MTCH1: variants seen among roughly 807,000 people sequenced by gnomAD.
MTCH1 encodes mitochondrial carrier homolog 1.
Under a neutral mutation model 49.3 loss-of-function variants are expected in MTCH1, and 23 were observed. The observed-to-expected ratio is 0.47, with a 90% confidence interval of 0.34 to 0.66. MTCH1 has a LOEUF of 0.66. Among genes scored for constraint, MTCH1 ranks in the 30% least tolerant of loss-of-function variants. The probability of loss-of-function intolerance (pLI) is 0.01; values close to 1 mark genes in which losing one functional copy is unlikely to be tolerated. For synonymous variants in MTCH1, 229 were observed against 215.2 expected, an observed-to-expected ratio of 1.06 and a Z score of -0.56; for missense variants, 397 against 532.1, an observed-to-expected ratio of 0.75 and a Z score of 2.50.
At chr6:36,975,783 G>T in intron 6 of MTCH1, 66 bp from the exon 7 acceptor site, 1 of 1,477,536 alleles carries the variant, frequency 6.8e-7, no homozygotes, top group Non-Finnish European at 9.4e-7. Context: ...ACCCGTTGGT[G>T]TGGGGCTGAG....
In MTCH1 at chr6:36,972,738, C is replaced by T; in HGVS notation, c.820G>A (p.Ala274Thr). Residue 274 changes from alanine to threonine, a missense_variant, in exon 8 of 12, where the codon GCC becomes ACC. By Grantham distance (58) the Ala-to-Thr change is moderately conservative. This residue lies in a region of MTCH1 where 252 missense variants were observed against 388.3 expected (regional missense o/e 0.65). Coordinates refer to ENST00000373627, the MANE Select transcript of MTCH1 (RefSeq NM_001271641.2). The surrounding 1 kb of genome is among the most constrained non-coding windows in gnomAD (Gnocchi z 4.1). ...ACCAGGTAGGCATTGATGAAGTGGG[C>T]CAGCAGGTTACAGCCCCACAAGAAA... ...VVFLWGCNLL[A>T]HFINAYLVDD... 1.3e-6 allele frequency: 2 copies of T among 1,553,556 alleles called. No homozygotes were observed. The highest frequency in any genetic ancestry group is 1.7e-6 in the Non-Finnish European group (2 of 1,147,866).
In MTCH1 at chr6:36,977,182, T is replaced by C. The variant is rs1410064404; in HGVS notation, c.701+17A>G. ...AAGGGTAACAGGGCCACTCTGCCAG[T>C]CCCAAGAGTTACCCACCTGTACTTG... On this transcript the variant is annotated intron_variant, in intron 6 of 11. Transcript: ENST00000373627. This position sits in a 1 kb window ranked among gnomAD's most constrained non-coding sequence, Gnocchi z 5.4. 2.5e-6 allele frequency: 4 copies of C among 1,613,546 alleles called. No individual in the cohort carries two copies. The Admixed American group carries it at 6.7e-5, about 27-fold the overall frequency.
Position 36,977,621 on chromosome 6 carries a change from G to C in MTCH1, c.649+13C>G, listed in dbSNP as rs774940960. 12 of 1,578,560 alleles carry C rather than the reference G, an allele frequency of 7.6e-6. No individual in the cohort carries two copies. In the African/African-American group the frequency reaches 9.4e-5, roughly 12 times the overall value. On this transcript the variant is annotated intron_variant, in intron 5 of 11. Transcript: ENST00000373627. The surrounding 1 kb of genome is among the most constrained non-coding windows in gnomAD (Gnocchi z 5.4). The stretch of plus-strand genomic sequence containing the variant: ...AGCTTAGATACAGTCTCGGGGGAAG[G>C]GGGGTGGCTTACCATGCAGGGGGTG...
intron 6 of MTCH1, 50 bp from the exon 7 acceptor site, chr6:36,975,767 AAGCCCACCCGTTGGTGTGGGGCTG>A (rs1763858713): frequency 1.9e-6 from 3 of 1,573,426 alleles, no homozygotes; most frequent in Non-Finnish European, 2.6e-6. Flanking sequence ...CACCTACCAG[AAGCCCACCCGTTGGTGTGGGGCTG>A]AGCCCACCAG....
At position 36,977,360 on chromosome 6, in the gene MTCH1, C is replaced by A. The variant is rs16889344; in HGVS notation, c.650-110G>T. On this transcript the variant is annotated intron_variant, in intron 5 of 11. Coordinates refer to ENST00000373627, the MANE Select transcript of MTCH1 (RefSeq NM_001271641.2). The surrounding 1 kb of genome is among the most constrained non-coding windows in gnomAD (Gnocchi z 5.4). ...TGGCCACTGAACAACGTGGCCTATT[C>A]AGAGAGCAGGAGAGGAAGAGGGCCT... is the stretch of plus-strand genomic sequence containing the variant. 3 of 1,171,786 alleles carry A rather than the reference C, an allele frequency of 2.6e-6. No homozygotes were observed. The highest frequency in any genetic ancestry group is 3.0e-5 in the African/African-American group (2 of 66,400). 72.6% of individuals were successfully genotyped at this position (1,171,786 alleles called of 1,614,324 possible).
In MTCH1 at chr6:36,977,978, A is replaced by G. The variant is rs77649624; in HGVS notation, c.591+100T>C. Reference sequence around the variant, plus strand: ...CCATCCCACCCATGCATACACAAGGACCCAACTCTTCGACTTGTCAATGAC... The same window carrying G: ...CCATCCCACCCATGCATACACAAGGGCCCAACTCTTCGACTTGTCAATGAC... On this transcript the variant is annotated intron_variant, in intron 4 of 11. Coordinates refer to ENST00000373627, the MANE Select transcript of MTCH1 (RefSeq NM_001271641.2). The surrounding 1 kb of genome is among the most constrained non-coding windows in gnomAD (Gnocchi z 5.4). 108,152 of 1,081,014 alleles carry G rather than the reference A, an allele frequency of 0.1. 6,883 individuals carry two copies. The highest frequency in any genetic ancestry group is 0.23 in the African/African-American group (14,598 of 64,414). 67.0% of individuals were successfully genotyped at this position (1,081,014 alleles called of 1,614,324 possible).
At chr6:36,981,194 C>A (rs1410625446) in intron 2 of MTCH1, among the ~76,000 whole-genome samples, 1 of 152,146 alleles carries the variant, frequency 6.6e-6, no homozygotes, top group Non-Finnish European at 1.5e-5. Flanking sequence ...AAGAGGACCC[C>A]CCGGGCCTCC....
chr6:36,968,368 C>A lies in MTCH1; in HGVS notation c.*535G>T. On this transcript the variant is annotated 3_prime_UTR_variant, in exon 12 of 12. Transcript: ENST00000373627. ...TTCCCATTCAGAGGCAGGTGCTGCC[C>A]TCATATCAGAAAAGTAGTGTTGAGA... The A allele has an allele frequency of 3.9e-6, 1 of 259,632 alleles. No homozygotes were observed. The highest frequency in any genetic ancestry group is 4.2e-5 in the South Asian group (1 of 23,552). 16.1% of individuals were successfully genotyped at this position (259,632 alleles called of 1,614,324 possible). A position where few individuals can be genotyped will look rare whatever the true frequency, so the allele number is the denominator to read the frequency against.
rs186614031 is a variant in MTCH1, at chr6:36,970,341, C to T, written c.1022+65G>A. On this transcript the variant is annotated intron_variant, in intron 10 of 11. Coordinates refer to ENST00000373627, the MANE Select transcript of MTCH1 (RefSeq NM_001271641.2). ...GAGGGGGCAGAGTGCTGGAAGGGCT[C>T]GGTGGGTCTCCCCCACCCCACAGCC... 91 of 1,584,534 alleles carry T rather than the reference C, an allele frequency of 5.7e-5. 1 individual carries two copies. The highest frequency in any genetic ancestry group is 3.8e-4 in the South Asian group (34 of 90,108).
rs1320277777 is a variant in MTCH1, at chr6:36,977,671, C to A, written c.612G>T (p.Met204Ile). ...VVKETSYEMM[M>I]QCVSRMLAHP... ...GGGCCAACATGCGGGACACACACTG[C>A]ATCATCATCTCGTAGGAGGTCTGGA... The change falls in exon 5 of 12, where the codon ATG becomes ATT. Residue 204 changes from methionine to isoleucine, a missense_variant. By Grantham distance (10) the Met-to-Ile change is conservative. This residue lies in a region of MTCH1 where 252 missense variants were observed against 388.3 expected (regional missense o/e 0.65). Transcript: ENST00000373627. This position sits in a 1 kb window ranked among gnomAD's most constrained non-coding sequence, Gnocchi z 5.4. 6.2e-7 allele frequency: 1 copy of A among 1,610,624 alleles called. No homozygotes were observed. Among genetic ancestry groups the A allele is most frequent in the South Asian group, 1.1e-5 (1 of 90,292 alleles).
In MTCH1 at chr6:36,972,846, C is replaced by A; in HGVS notation, c.762-50G>T. 1 of 1,501,504 alleles carries A rather than the reference C, an allele frequency of 6.7e-7. No homozygotes were observed. The highest frequency in any genetic ancestry group is 9.0e-7 in the Non-Finnish European group (1 of 1,108,798). 93.0% of individuals were successfully genotyped at this position (1,501,504 alleles called of 1,614,324 possible). On this transcript the variant is annotated intron_variant, in intron 7 of 11. Coordinates refer to ENST00000373627, the MANE Select transcript of MTCH1 (RefSeq NM_001271641.2). The surrounding 1 kb of genome is among the most constrained non-coding windows in gnomAD (Gnocchi z 4.1). ...GAGCAGGAGAGGGAGAGGAGCAGTTCCTGGGGGCTCCACACCCAGGAAGCA... is the reference window on the plus strand; with the variant it reads ...GAGCAGGAGAGGGAGAGGAGCAGTTACTGGGGGCTCCACACCCAGGAAGCA...
chr6:36,978,303 T>C (rs1473863495), intron 3 of MTCH1, 148 bp from the exon 4 acceptor site: 1 of 873,604 alleles, frequency 1.1e-6, no homozygotes, highest in Non-Finnish European at 1.8e-6. Context: ...GGTCTGGAGC[T>C]TGGGGGGAAA....
At chr6:36,969,098 G>A (rs570501084) in intron 11 of MTCH1, 124 bp from the exon 12 acceptor site, 18 of 1,455,942 alleles carry the variant, frequency 1.2e-5, no homozygotes, top group Admixed American at 2.6e-5. Context: ...CGGGGTGGAC[G>A]GCCTCGGCCT....
At chr6:36,969,051 A>G (rs1763579591) in intron 11 of MTCH1, 77 bp from the exon 12 acceptor site, 2 of 1,564,296 alleles carry the variant, frequency 1.3e-6, no homozygotes, top group Non-Finnish European at 1.7e-6. Context: ...GGCCAGTGTC[A>G]GGCAAAGAAG....
upstream of MTCH1, chr6:36,986,301 G>C: frequency 1.1e-6 from 1 of 877,252 alleles, no homozygotes; most frequent in South Asian, 3.3e-5. Context: ...GCGGCGGGTG[G>C]GACACGCCGG....
chr6:36,981,513 G>A (rs778090902), intron 2 of MTCH1, 75 bp downstream of exon 2: 4 of 1,409,498 alleles, frequency 2.8e-6, no homozygotes, highest in South Asian at 1.2e-5. Context: ...GTTCCCCGGG[G>A]CCAGCTGGTC....
At position 36,977,923 on chromosome 6, in the gene MTCH1, G is replaced by A. The variant is rs1465522064; in HGVS notation, c.591+155C>T. On this transcript the variant is annotated intron_variant, in intron 4 of 11. Coordinates refer to ENST00000373627, the MANE Select transcript of MTCH1 (RefSeq NM_001271641.2). This position sits in a 1 kb window ranked among gnomAD's most constrained non-coding sequence, Gnocchi z 5.4. ...GCTGAGAAGGCTTTCCGGGGTTCCC[G>A]GCACATCCAGGCCAGGGCTTCTTCC... Among the ~76,000 whole-genome samples, 2 of 152,156 alleles carry A rather than the reference G, an allele frequency of 1.3e-5. No homozygotes were observed. The highest frequency in any genetic ancestry group is 2.9e-5 in the Non-Finnish European group (2 of 68,030).
At chr6:36,973,348 T>C (rs961527825) in intron 7 of MTCH1, among the ~76,000 whole-genome samples, 2 of 152,214 alleles carry the variant, frequency 1.3e-5, no homozygotes, top group Non-Finnish European at 2.9e-5. Context: ...AAAGGCCAGT[T>C]TGAGGTCAGT....
At chr6:36,979,146 G>A (rs1764002105) in intron 2 of MTCH1, among the ~76,000 whole-genome samples, 1 of 152,154 alleles carries the variant, frequency 6.6e-6, no homozygotes, top group Non-Finnish European at 1.5e-5. Context: ...GGCCAGGGCA[G>A]TCTCCACCCT....
Sources: gnomAD v4.1 joint callset for allele counts (sites outside exome capture counted in the v4.1 genomes callset) on GRCh38, gnomAD v4.1.1 for gene constraint, gnomAD v4.1.1 regional missense constraint, Gnocchi (gnomAD v3.1) non-coding constraint, MANE v1.5 for transcripts, NCBI Gene and HGNC (gene_info 2026-07-23, HGNC 2026-07-21) for gene names.